Variants in SIPA1L1 observed in about 807,000 individuals in gnomAD.
SIPA1L1 encodes signal-induced proliferation-associated 1-like protein 1.
A neutral mutation model predicts 162.7 loss-of-function variants in SIPA1L1; 26 were observed. The ratio of observed to expected loss-of-function variants is 0.16; its 90% CI spans 0.12 to 0.22. The LOEUF is 0.22. SIPA1L1 is among the 10% of genes least tolerant of loss of function. SIPA1L1 has a pLI of 1.00. For synonymous variants in SIPA1L1, 829 were observed against 837.4 expected, an observed-to-expected ratio of 0.99 and a Z score of 0.17; for missense variants, 1,874 against 2,241.0, an observed-to-expected ratio of 0.84 and a Z score of 3.31.
intron 5 of SIPA1L1, chr14:71,598,196 A>G (rs1446168141): frequency 1.0e-6 from 1 of 985,210 alleles, no homozygotes; most frequent in African/African-American, 1.7e-5. Flanking sequence ...ATTGATCCCC[A>G]CAGGCACAAA....
At chr14:71,391,489 T>TA (rs2040753991) in intron 2 of SIPA1L1, among the ~76,000 whole-genome samples, 2 of 152,210 alleles carry the variant, frequency 1.3e-5, no homozygotes, top group East Asian at 1.9e-4. Context: ...ATAACTGTGA[T>TA]ACGTGATTTG....
At chr14:71,397,320 TTC>T (rs573505890) in intron 2 of SIPA1L1, among the ~76,000 whole-genome samples, 1 of 152,290 alleles carries the variant, frequency 6.6e-6, no homozygotes, top group South Asian at 2.1e-4. Context: ...TTACATTCAT[TTC>T]TTTCTTTATT....
chr14:71,357,256 G>GT (rs112570629), intron 2 of SIPA1L1, among the ~76,000 whole-genome samples: 2,693 of 151,552 alleles, frequency 0.018, 32 homozygotes, highest in African/African-American at 0.026. Flanking sequence ...TTTATCTGAA[G>GT]TTTTTTTTTG....
chr14:71,510,702 T>A (rs2051076298), intron 2 of SIPA1L1, among the ~76,000 whole-genome samples: 1 of 152,158 alleles, frequency 6.6e-6, no homozygotes, highest in South Asian at 2.1e-4. Context: ...TGTATTTAGC[T>A]CCTCCATCCC....
intron 2 of SIPA1L1, among the ~76,000 whole-genome samples, chr14:71,421,603 A>T (rs1395061595): frequency 2.6e-5 from 4 of 152,186 alleles, no homozygotes; most frequent in Admixed American, 2.6e-4. Flanking sequence ...TCTTAAAAAA[A>T]TTATAAAATA....
At position 71,702,439 on chromosome 14, in the gene SIPA1L1, A is replaced by G; in HGVS notation, c.3580A>G (p.Ile1194Val). ...TGACAGGCAGAACACCCAGTCAGAT[A>G]TTGGTGGCAGCGGAAAATCCACGCC... ...SIDRQNTQSDIGGSGKSTPSW... is the reference protein window; with the variant it reads ...SIDRQNTQSDVGGSGKSTPSW... The change falls in exon 15 of 24, where the codon ATT becomes GTT. Residue 1194 changes from isoleucine (I) to valine (V), a missense_variant. Coordinates refer to ENST00000381232, the MANE Select transcript of SIPA1L1 (RefSeq NM_001386936.1). 1 of 1,614,184 alleles carries G rather than the reference A, an allele frequency of 6.2e-7. No individual in the cohort carries two copies. Among genetic ancestry groups the G allele is most frequent in the South Asian group, 1.1e-5 (1 of 91,080 alleles).
chr14:71,708,152 A>G (rs150508571), intron 16 of SIPA1L1, among the ~76,000 whole-genome samples: 52 of 148,616 alleles, frequency 3.5e-4, no homozygotes, highest in African/African-American at 1.1e-3. Context: ...CTTTTGTTTC[A>G]TATGCTTTTG....
chr14:71,457,276 A>C (rs970924234), intron 2 of SIPA1L1, among the ~76,000 whole-genome samples: 12 of 151,480 alleles, frequency 7.9e-5, no homozygotes, highest in Admixed American at 6.6e-5. Flanking sequence ...CAAACAGGCT[A>C]TATGGTAAAC....
At chr14:71,709,195 C>T (rs1399181324) in intron 16 of SIPA1L1, 27 bp from the exon 17 acceptor site, 2 of 1,571,766 alleles carry the variant, frequency 1.3e-6, no homozygotes, top group South Asian at 2.3e-5. Context: ...AAACTTTGCA[C>T]TCAAATAAAT....
At chr14:71,460,050 T>C (rs1316830887) in intron 2 of SIPA1L1, among the ~76,000 whole-genome samples, 1 of 152,138 alleles carries the variant, frequency 6.6e-6, no homozygotes, top group Non-Finnish European at 1.5e-5. Flanking sequence ...TGATATGAAG[T>C]CAATAAATCT....
intron 20 of SIPA1L1, among the ~76,000 whole-genome samples, chr14:71,731,321 C>G (rs972501710): frequency 5.3e-5 from 8 of 152,178 alleles, no homozygotes; most frequent in African/African-American, 1.7e-4. Flanking sequence ...TGCCAGCTTC[C>G]CCTGCTCCTT....
chr14:71,336,048 T>A (rs2140341993), intron 2 of SIPA1L1, among the ~76,000 whole-genome samples: 1 of 152,360 alleles, frequency 6.6e-6, no homozygotes, highest in African/African-American at 2.4e-5. Context: ...AACATGACTG[T>A]CTTAGTCTTC....
intron 2 of SIPA1L1, among the ~76,000 whole-genome samples, chr14:71,495,886 C>CAAAAAAAAAAAAAAAAAAAAAAAAA (rs61183823): frequency 2.6e-5 from 1 of 38,020 alleles, no homozygotes; most frequent in African/African-American, 9.2e-5. Flanking sequence ...TCCATCTCTA[C>CAAAAAAAAAAAAAAAAAAAAAAAAA]AAAAAAAAAA....
At chr14:71,539,515 A>G (rs1374523754) in intron 4 of SIPA1L1, among the ~76,000 whole-genome samples, 2 of 152,224 alleles carry the variant, frequency 1.3e-5, no homozygotes, top group Non-Finnish European at 2.9e-5. Context: ...TTGAAGAATC[A>G]CTGCCCTTTA....
intron 4 of SIPA1L1, among the ~76,000 whole-genome samples, chr14:71,533,089 A>G (rs1271043182): frequency 6.6e-6 from 1 of 152,192 alleles, no homozygotes; most frequent in Non-Finnish European, 1.5e-5. Context: ...TTCCCTTTCG[A>G]AAATGTTGGG....
chr14:71,520,035 G>A (rs977409175), intron 3 of SIPA1L1, among the ~76,000 whole-genome samples: 11 of 152,140 alleles, frequency 7.2e-5, no homozygotes, highest in East Asian at 5.8e-4. Context: ...CCAGGAGATC[G>A]AGGCTGCAGT....
At chr14:71,401,411 A>G (rs1288351262) in intron 2 of SIPA1L1, among the ~76,000 whole-genome samples, 2 of 134,708 alleles carry the variant, frequency 1.5e-5, no homozygotes, top group African/African-American at 5.5e-5. Flanking sequence ...TTTTTTTTTT[A>G]GTGTTACTTA....
intron 17 of SIPA1L1, among the ~76,000 whole-genome samples, chr14:71,714,656 A>G (rs1263371102): frequency 2.6e-5 from 4 of 151,714 alleles, no homozygotes; most frequent in African/African-American, 9.7e-5. Flanking sequence ...CCTGCAGCTC[A>G]CTATAGCCTC....
At chr14:71,572,881 A>T (rs1567225716) in intron 4 of SIPA1L1, among the ~76,000 whole-genome samples, 1 of 152,256 alleles carries the variant, frequency 6.6e-6, no homozygotes, top group Non-Finnish European at 1.5e-5. Flanking sequence ...ATATATAGCT[A>T]TGTGATATAA....
Sources: allele counts gnomAD v4.1 joint callset (sites outside exome capture counted in the v4.1 genomes callset), GRCh38; gene constraint gnomAD v4.1.1; transcripts MANE v1.5; gene names NCBI Gene and HGNC (gene_info 2026-07-23, HGNC 2026-07-21).